The following PARD3 variants were observed in gnomAD, a reference collection of about 807,000 sequenced individuals.
PARD3 encodes par-3 family cell polarity regulator.
In PARD3, 75 loss-of-function variants were observed where a neutral mutation model predicts 155.4. The observed-to-expected ratio is 0.48, with a 90% CI of 0.40 to 0.58. The LOEUF is 0.58. PARD3 is among the 20% of genes least tolerant of loss of function. The probability of loss-of-function intolerance (pLI) is 0.00; values close to 1 mark genes in which losing one functional copy is unlikely to be tolerated. For synonymous variants in PARD3, 576 were observed against 610.5 expected (o/e 0.94, Z 0.83); for missense variants, 1,642 against 1,721.7 (o/e 0.95, Z 0.82).
Position 34,331,162 on chromosome 10 carries a change from A to C in PARD3, c.2788T>G (p.Tyr930Asp). The C allele has an allele frequency of 6.2e-7, 1 of 1,613,976 alleles. No individual in the cohort carries two copies. Among genetic ancestry groups the C allele is most frequent in the Non-Finnish European group, 8.5e-7 (1 of 1,179,952 alleles). ...TCATCATCTACCGCGGGTTTATCAT[A>C]AGATTTGTCGATGGCAGCTCTGAAG... ...ESFRAAIDKS[Y>D]DKPAVDDDDE... Residue 930 changes from tyrosine to aspartate, a missense_variant, in exon 19 of 25, where the codon TAT (tyrosine) becomes GAT (aspartate). Physicochemically the swap from Tyr to Asp is radical, Grantham distance 160. Coordinates refer to ENST00000374788, the MANE Select transcript of PARD3 (RefSeq NM_001184785.2).
chr10:34,181,177 A>G (rs920191437), intron 22 of PARD3, among the ~76,000 whole-genome samples: 9 of 152,180 alleles, frequency 5.9e-5, no homozygotes, highest in African/African-American at 2.2e-4. Flanking sequence ...TGTATCTTTT[A>G]AGGAGAATAT....
chr10:34,796,791 C>T (rs554322726), intron 1 of PARD3, among the ~76,000 whole-genome samples: 23 of 152,288 alleles, frequency 1.5e-4, no homozygotes, highest in Admixed American at 5.2e-4. Context: ...TCAAGGCCAG[C>T]CTGGCCAAAA....
intron 5 of PARD3, among the ~76,000 whole-genome samples, chr10:34,431,972 G>T (rs756960827): frequency 4.9e-4 from 64 of 130,800 alleles, no homozygotes; most frequent in Non-Finnish European, 8.4e-4. Context: ...AACCTGAGAG[G>T]CAGAGCTTGC....
chr10:34,174,964 T>C (rs898721149), intron 22 of PARD3, among the ~76,000 whole-genome samples: 1 of 152,082 alleles, frequency 6.6e-6, no homozygotes, highest in Non-Finnish European at 1.5e-5. Context: ...TTCATTGTAT[T>C]TTTTTTCTTC....
intron 2 of PARD3, among the ~76,000 whole-genome samples, chr10:34,551,491 C>T (rs969769640): frequency 2.0e-5 from 3 of 152,196 alleles, no homozygotes; most frequent in African/African-American, 4.8e-5. Flanking sequence ...AGTTCACTGA[C>T]CCCACCTTTG....
chr10:34,112,284 G>A (rs1408829625), intron 24 of PARD3, among the ~76,000 whole-genome samples: 2 of 152,146 alleles, frequency 1.3e-5, no homozygotes, highest in Non-Finnish European at 2.9e-5. Flanking sequence ...TACTTAACTT[G>A]CTTTCTGTCA....
At chr10:34,328,167 AAAAC>A (rs1290207200) in intron 19 of PARD3, among the ~76,000 whole-genome samples, 4 of 152,190 alleles carry the variant, frequency 2.6e-5, no homozygotes, top group Non-Finnish European at 4.4e-5. Context: ...TTTTTAAACA[AAAAC>A]AAAGAGTTTG....
chr10:34,709,597 G>A (rs924691722), intron 1 of PARD3, among the ~76,000 whole-genome samples: 2 of 151,796 alleles, frequency 1.3e-5, no homozygotes, highest in African/African-American at 4.8e-5. Flanking sequence ...AGGAAGCTAT[G>A]ACTACCCCTG....
intron 1 of PARD3, among the ~76,000 whole-genome samples, chr10:34,702,791 G>GT (rs1421468153): frequency 6.6e-6 from 1 of 152,170 alleles, no homozygotes; most frequent in African/African-American, 2.4e-5. Context: ...GTGTACGCCC[G>GT]TGCCTGAACT....
Position 34,345,885 on chromosome 10 carries a change from T to A in PARD3, c.2218+2080A>T, listed in dbSNP as rs572722637. 43 of 985,368 alleles carry A rather than the reference T, an allele frequency of 4.4e-5. No homozygotes were observed. The South Asian group carries it at 1.7e-3, about 40-fold the overall frequency. The allele number at this position is 985,368 out of a possible 1,614,324, so 61.0% of individuals were successfully genotyped here. ...ATAAGGACTGACAAAAAGTGAGGAATTTTCAAATTTGCAAAACACAAGATG... is the reference window on the plus strand; with the variant it reads ...ATAAGGACTGACAAAAAGTGAGGAAATTTCAAATTTGCAAAACACAAGATG... On this transcript the variant is annotated intron_variant, in intron 15 of 24. Transcript: ENST00000374788.
chr10:34,294,197 C>G (rs745770722), intron 20 of PARD3, among the ~76,000 whole-genome samples: 1 of 152,174 alleles, frequency 6.6e-6, no homozygotes, highest in South Asian at 2.1e-4. Context: ...TACAAACACA[C>G]GCACAAGGTA....
intron 4 of PARD3, among the ~76,000 whole-genome samples, chr10:34,468,849 T>A (rs1345314759): frequency 6.6e-6 from 1 of 152,214 alleles, no homozygotes; most frequent in Non-Finnish European, 1.5e-5. Flanking sequence ...GGTATTTTTA[T>A]ACCTATGCAA....
At chr10:34,333,589 T>A (rs1835843799) in intron 18 of PARD3, among the ~76,000 whole-genome samples, 1 of 152,018 alleles carries the variant, frequency 6.6e-6, no homozygotes, top group South Asian at 2.1e-4. Flanking sequence ...CAATAAAAAA[T>A]TATACAAAAT....
At chr10:34,442,602 C>T (rs1374566628) in intron 5 of PARD3, among the ~76,000 whole-genome samples, 1 of 152,222 alleles carries the variant, frequency 6.6e-6, no homozygotes, top group Non-Finnish European at 1.5e-5. Flanking sequence ...GGCATCATGG[C>T]TCACACCTGT....
At chr10:34,298,151 C>G (rs1956993697) in intron 20 of PARD3, among the ~76,000 whole-genome samples, 1 of 152,178 alleles carries the variant, frequency 6.6e-6, no homozygotes, top group Non-Finnish European at 1.5e-5. Flanking sequence ...CATAAAAACA[C>G]TAAATAAATA....
At chr10:34,517,279 G>C in intron 2 of PARD3, 120 bp from the exon 3 acceptor site, 1 of 843,660 alleles carries the variant, frequency 1.2e-6, no homozygotes, top group Non-Finnish European at 1.7e-6. Flanking sequence ...ACCCTAGAAT[G>C]GTAAGTTTTA....
intron 7 of PARD3, among the ~76,000 whole-genome samples, chr10:34,389,074 C>A (rs1589400850): frequency 1.3e-5 from 2 of 152,002 alleles, no homozygotes. Flanking sequence ...GCTGAAACAT[C>A]CCCAAATCTA....
At chr10:34,400,765 T>G (rs1444616481) in intron 6 of PARD3, among the ~76,000 whole-genome samples, 1 of 151,802 alleles carries the variant, frequency 6.6e-6, no homozygotes, top group East Asian at 1.9e-4. Flanking sequence ...TCACATGCAC[T>G]AATTAAGACA....
At chr10:34,366,928 A>G (rs1840022387) in intron 12 of PARD3, among the ~76,000 whole-genome samples, 1 of 152,216 alleles carries the variant, frequency 6.6e-6, no homozygotes, top group African/African-American at 2.4e-5. Flanking sequence ...TCTTATCAGT[A>G]AAGTTCAAAT....
Sources: gnomAD v4.1 joint callset for allele counts (sites outside exome capture counted in the v4.1 genomes callset) on GRCh38, gnomAD v4.1.1 for gene constraint, MANE v1.5 for transcripts, NCBI Gene and HGNC (gene_info 2026-07-23, HGNC 2026-07-21) for gene names.